PBRM1: variants seen among roughly 807,000 people sequenced by gnomAD.
PBRM1 encodes the protein protein polybromo-1.
PBRM1 carries 27 observed loss-of-function variants against 194.5 expected under a neutral mutation model. The ratio of observed to expected loss-of-function variants is 0.14; its 90% CI spans 0.10 to 0.19. PBRM1 has a LOEUF of 0.19. Ranked by LOEUF, PBRM1 falls within the 10% of genes least tolerant of loss-of-function variation. PBRM1 has a pLI of 1.00. For synonymous variants in PBRM1, 655 were observed against 693.2 expected (o/e 0.94, Z 0.87); for missense variants, 1,466 against 2,077.2 (o/e 0.71, Z 5.72).
chr3:52,566,502 G>A (rs1259320173), intron 22 of PBRM1, among the ~76,000 whole-genome samples: 1 of 152,122 alleles, frequency 6.6e-6, no homozygotes, highest in Non-Finnish European at 1.5e-5. Flanking sequence ...TCTGATATAT[G>A]ATACAACATG....
At chr3:52,548,965 A>G (rs1344707605) in intron 29 of PBRM1, among the ~76,000 whole-genome samples, 1 of 152,146 alleles carries the variant, frequency 6.6e-6, no homozygotes, top group Non-Finnish European at 1.5e-5. Context: ...GTTGAACTAA[A>G]TGAATAGCCT....
intron 3 of PBRM1, among the ~76,000 whole-genome samples, chr3:52,664,334 T>C (rs2096784944): frequency 6.9e-6 from 1 of 144,338 alleles, no homozygotes; most frequent in Admixed American, 7.4e-5. Context: ...ACTTCCTATA[T>C]GTAGAAAAAT....
At chr3:52,685,533 T>G (rs1251408400) in intron 1 of PBRM1, 1 of 151,778 alleles carries the variant, frequency 6.6e-6, no homozygotes, top group Non-Finnish European at 1.5e-5. Flanking sequence ...CGACCCGTAG[T>G]GCGCCTTTGT....
exon 19 of PBRM1, chr3:52,587,460 G>A (rs1248847706): frequency 6.2e-7 from 1 of 1,611,944 alleles, no homozygotes; most frequent in African/African-American, 1.3e-5. Context: ...GTAGCCAGGT[G>A]GAATGTTTCA....
intron 1 of PBRM1, 197 bp downstream of exon 1, chr3:52,685,552 G>C (rs1381244592): frequency 6.6e-6 from 1 of 151,490 alleles, no homozygotes; most frequent in Non-Finnish European, 1.5e-5. Context: ...GTCCCTGCCG[G>C]CAGGTGCGAC....
At chr3:52,647,078 T>TA (rs1409913990) in intron 7 of PBRM1, among the ~76,000 whole-genome samples, 2 of 151,836 alleles carry the variant, frequency 1.3e-5, no homozygotes, top group Non-Finnish European at 2.9e-5. Flanking sequence ...GTAACACAAT[T>TA]AAAAAATGGG....
At chr3:52,599,140 T>C (rs1433842632) in intron 17 of PBRM1, among the ~76,000 whole-genome samples, 3 of 151,852 alleles carry the variant, frequency 2.0e-5, no homozygotes. Flanking sequence ...TAGTGAGCCA[T>C]GATCGTGCCA....
intron 6 of PBRM1, among the ~76,000 whole-genome samples, chr3:52,648,994 G>A (rs142754807): frequency 2.0e-5 from 3 of 152,182 alleles, no homozygotes; most frequent in Admixed American, 1.3e-4. Flanking sequence ...AATGAAAGAC[G>A]GACACACTTT....
At chr3:52,562,295 C>A (rs368682503) in intron 24 of PBRM1, among the ~76,000 whole-genome samples, 6 of 149,344 alleles carry the variant, frequency 4.0e-5, no homozygotes, top group African/African-American at 1.5e-4. Flanking sequence ...CCACTGCACT[C>A]CAGCCTGGGC....
intron 5 of PBRM1, among the ~76,000 whole-genome samples, chr3:52,655,930 C>T (rs1338394714): frequency 6.6e-6 from 1 of 152,174 alleles, no homozygotes; most frequent in Non-Finnish European, 1.5e-5. Context: ...GATCGGGTTC[C>T]AGTTATAGAC....
chr3:52,594,051 GGA>G (rs1475825311), intron 17 of PBRM1, among the ~76,000 whole-genome samples: 2 of 152,168 alleles, frequency 1.3e-5, no homozygotes, highest in Non-Finnish European at 2.9e-5. Flanking sequence ...GTATTGTGTG[GGA>G]GTTTTAAGAG....
chr3:52,546,882 A>C (rs1293706185), downstream of PBRM1: 3 of 233,132 alleles, frequency 1.3e-5, no homozygotes, highest in Admixed American at 1.1e-4. Flanking sequence ...AATTTAAAAA[A>C]TATTTTAGAA....
upstream of PBRM1, chr3:52,679,857 T>C (rs1007194092): frequency 1.6e-5 from 9 of 546,840 alleles, no homozygotes; most frequent in East Asian, 2.3e-4. Context: ...TAACTAGCTA[T>C]AAGTTTTTTT....
At chr3:52,592,682 G>A (rs935892083) in intron 17 of PBRM1, among the ~76,000 whole-genome samples, 3 of 152,168 alleles carry the variant, frequency 2.0e-5, no homozygotes, top group Non-Finnish European at 4.4e-5. Flanking sequence ...GAATGAGTTG[G>A]GGAGGAGTCC....
At chr3:52,667,187 A>C (rs1052896590) in intron 3 of PBRM1, among the ~76,000 whole-genome samples, 2 of 152,218 alleles carry the variant, frequency 1.3e-5, no homozygotes, top group African/African-American at 4.8e-5. Context: ...TATATGAAAG[A>C]CAAAACTATA....
chr3:52,682,374 T>G, upstream of PBRM1: 1 of 132,534 alleles, frequency 7.5e-6, no homozygotes, highest in Non-Finnish European at 1.6e-5. Flanking sequence ...TTGACAAGGT[T>G]AAAAAAAAAA....
intron 22 of PBRM1, among the ~76,000 whole-genome samples, chr3:52,574,346 T>A (rs1486260801): frequency 6.6e-6 from 1 of 152,142 alleles, no homozygotes; most frequent in Admixed American, 6.5e-5. Context: ...GACCTAAACA[T>A]CTCCTAAAAG....
rs763007814 is a variant in PBRM1, at chr3:52,596,436, C to CAAAAAAAAAAAAAAAAAAAAAA, written c.2779+7063_2779+7084dup. ...CTGGCGACAGAGTGAGACTCCGTCT[C>CAAAAAAAAAAAAAAAAAAAAAA]AAAAAAAAAAAAAAAAAAAAAAAAA... On this transcript the variant is annotated intron_variant, in intron 17 of 29. Transcript: ENST00000296302. Among the ~76,000 whole-genome samples the CAAAAAAAAAAAAAAAAAAAAAA allele has an allele frequency of 1.8e-4, 9 of 50,370 alleles. 1 individual carries two copies. The highest frequency in any genetic ancestry group is 3.3e-4 in the African/African-American group (4 of 12,076). 33.0% of individuals were successfully genotyped at this position (50,370 alleles called of 152,430 possible).
rs759749410 is a variant in PBRM1 at position 52,678,616 on chromosome 3, G to GA, written c.139-20dup. On this transcript the variant is annotated intron_variant, in intron 1 of 29. Transcript: ENST00000296302. ...CGGCAATCTACACATTAGCAAAGGA[G>GA]AAAAAAATCACTAAAAAAGTGAACA... 191 of 1,494,906 alleles carry GA rather than the reference G, an allele frequency of 1.3e-4. 1 individual carries two copies. The South Asian group carries it at 1.5e-3, about 12-fold the overall frequency. The allele number at this position is 1,494,906 out of a possible 1,614,324, so 92.6% of individuals were successfully genotyped here. A position where few individuals can be genotyped will look rare whatever the true frequency, so the allele number is the denominator to read the frequency against.
Sources: gnomAD v4.1 joint callset for allele counts (sites outside exome capture counted in the v4.1 genomes callset) on GRCh38, gnomAD v4.1.1 for gene constraint, MANE v1.5 for transcripts, NCBI Gene and HGNC (gene_info 2026-07-23, HGNC 2026-07-21) for gene names.